The following PCDHGA9 variants were observed in gnomAD, a reference collection of about 807,000 sequenced individuals.
PCDHGA9 encodes the protein protocadherin gamma subfamily A, 9.
Under a neutral mutation model 62.5 loss-of-function variants are expected in PCDHGA9, and 37 were observed. The observed-to-expected ratio is 0.59, with a 90% CI of 0.46 to 0.78. The LOEUF (loss-of-function observed/expected upper bound fraction) is 0.78. PCDHGA9 is among the 30% of genes least tolerant of loss of function. The pLI is 0.00. For synonymous variants in PCDHGA9, 459 were observed against 484.6 expected, an observed-to-expected ratio of 0.95 and a Z score of 0.69; for missense variants, 1,138 against 1,166.2, an observed-to-expected ratio of 0.98 and a Z score of 0.35.
chr5:141,491,871 C>T lies in PCDHGA9; in HGVS notation c.2425-2936C>T, dbSNP rs1222191027. 2.1e-6 allele frequency: 3 copies of T among 1,451,434 alleles called. No individual in the cohort carries two copies. Among genetic ancestry groups the T allele is most frequent in the Non-Finnish European group, 2.7e-6 (3 of 1,098,418 alleles). 89.9% of individuals were successfully genotyped at this position (1,451,434 alleles called of 1,614,324 possible). ...ACCGTTTGCGCGAAACCAGAGTGGC[C>T]GATTAAGGGATGGGGCTCCGAGCAC... On this transcript the variant is annotated intron_variant, in intron 1 of 3. Transcript: ENST00000573521. The surrounding 1 kb of genome is among the most constrained non-coding windows in gnomAD (Gnocchi z 6.9).
rs757755103 is a variant in PCDHGA9 at position 141,432,638 on chromosome 5, C to T, written c.2424+27262C>T. 1.2e-6 allele frequency: 2 copies of T among 1,613,810 alleles called. No homozygotes were observed. Among genetic ancestry groups the T allele is most frequent in the Non-Finnish European group, 8.5e-7 (1 of 1,179,930 alleles). ...GGTGGGTCTGCACACGGGCGAGGTG[C>T]GCACGGCGCGAGCCCTGCTGGACAG... is the stretch of plus-strand genomic sequence containing the variant. On this transcript the variant is annotated intron_variant, in intron 1 of 3. Transcript: ENST00000573521. The surrounding 1 kb of genome is among the most constrained non-coding windows in gnomAD (Gnocchi z 6.0).
chr5:141,437,262 G>A (rs1490690532), intron 1 of PCDHGA9, among the ~76,000 whole-genome samples: 1 of 152,152 alleles, frequency 6.6e-6, no homozygotes, highest in Non-Finnish European at 1.5e-5. Flanking sequence ...CTTTTTATGT[G>A]TATGACAGAT....
At chr5:141,507,429 G>C (rs1191174823) in intron 3 of PCDHGA9, 3 of 152,238 alleles carry the variant, frequency 2.0e-5, no homozygotes, top group African/African-American at 7.2e-5. Flanking sequence ...AGTGGGGCCA[G>C]GCCTACAGCT....
At chr5:141,419,674 C>T (rs372932653) in intron 1 of PCDHGA9, 48 of 1,612,820 alleles carry the variant, frequency 3.0e-5, no homozygotes, top group Non-Finnish European at 3.7e-5. Context: ...CCTGGCTGTC[C>T]TACCACGTGG....
In PCDHGA9 at chr5:141,449,878, A is replaced by G. The variant is rs536474516; in HGVS notation, c.2424+44502A>G. On this transcript the variant is annotated intron_variant, in intron 1 of 3. Transcript: ENST00000573521. ...ATAAAAATCAGAAAATTTAACATCA[A>G]TGCAATATAATTATTTAGCCTATAG... 6.6e-4 allele frequency among the ~76,000 whole-genome samples: 100 copies of G among 152,050 alleles called. 1 individual carries two copies. The highest frequency in any genetic ancestry group is 2.4e-3 in the African/African-American group (99 of 41,574).
chr5:141,434,667 G>T (rs1464226862), intron 1 of PCDHGA9, among the ~76,000 whole-genome samples: 3 of 152,074 alleles, frequency 2.0e-5, no homozygotes, highest in East Asian at 3.9e-4. Context: ...CTATAGAAAT[G>T]ATGCTAATGA....
In PCDHGA9 at chr5:141,432,661, C is replaced by T; in HGVS notation, c.2424+27285C>T. ...TGCGCACGGCGCGAGCCCTGCTGGACAGAGACGCGCTCAAGCAGAGCCTCG... is the reference window on the plus strand; with the variant it reads ...TGCGCACGGCGCGAGCCCTGCTGGATAGAGACGCGCTCAAGCAGAGCCTCG... On this transcript the variant is annotated intron_variant, in intron 1 of 3. Transcript: ENST00000573521. This position sits in a 1 kb window ranked among gnomAD's most constrained non-coding sequence, Gnocchi z 6.0. 3.1e-6 allele frequency: 5 copies of T among 1,613,886 alleles called. No homozygotes were observed. In the South Asian group the frequency reaches 5.5e-5, roughly 18 times the overall value.
At chr5:141,437,463 AC>A (rs2097887109) in intron 1 of PCDHGA9, among the ~76,000 whole-genome samples, 1 of 152,184 alleles carries the variant, frequency 6.6e-6, no homozygotes, top group Non-Finnish European at 1.5e-5. Flanking sequence ...ACTATACTAT[AC>A]TTTTATAGCA....
At position 141,489,545 on chromosome 5, in the gene PCDHGA9, G is replaced by A. The variant is rs1396651116; in HGVS notation, c.2425-5262G>A. On this transcript the variant is annotated intron_variant, in intron 1 of 3. Transcript: ENST00000573521. The surrounding 1 kb of genome is among the most constrained non-coding windows in gnomAD (Gnocchi z 4.5). ...AGCCTATGTGGAGCCAGCACCAGCT[G>A]CCTGCTGCCAGTGCAGGTGGTGACT... 3 of 1,613,984 alleles carry A rather than the reference G, an allele frequency of 1.9e-6. No individual in the cohort carries two copies. The highest frequency in any genetic ancestry group is 2.5e-6 in the Non-Finnish European group (3 of 1,180,022).
At chr5:141,440,443 T>A (rs979101512) in intron 1 of PCDHGA9, 2 of 152,152 alleles carry the variant, frequency 1.3e-5, no homozygotes, top group Admixed American at 1.3e-4. Flanking sequence ...CAAGGCGCCA[T>A]CTCAAAAAAA....
intron 1 of PCDHGA9, among the ~76,000 whole-genome samples, chr5:141,434,571 T>C (rs2154556263): frequency 6.6e-6 from 1 of 152,374 alleles, no homozygotes; most frequent in South Asian, 2.1e-4. Flanking sequence ...GACATGCCCC[T>C]GCTGCAGATA....
chr5:141,455,006 G>A (rs1194194759), intron 1 of PCDHGA9, among the ~76,000 whole-genome samples: 2 of 150,910 alleles, frequency 1.3e-5, no homozygotes, highest in Non-Finnish European at 3.0e-5. Flanking sequence ...TAGAGACGGG[G>A]TTTCACCGTG....
chr5:141,436,555 G>A (rs562422182), intron 1 of PCDHGA9, among the ~76,000 whole-genome samples: 1 of 152,252 alleles, frequency 6.6e-6, no homozygotes, highest in South Asian at 2.1e-4. Flanking sequence ...TTGAGCTTCA[G>A]CAAAGTAGGA....
intron 1 of PCDHGA9, chr5:141,478,647 T>G (rs2099469515): frequency 6.4e-7 from 1 of 1,552,152 alleles, no homozygotes; most frequent in Non-Finnish European, 8.7e-7. Flanking sequence ...GAAGATGTTT[T>G]CCTGGTGATG....
At chr5:141,466,275 A>G (rs1163982252) in intron 1 of PCDHGA9, among the ~76,000 whole-genome samples, 1 of 152,112 alleles carries the variant, frequency 6.6e-6, no homozygotes. Context: ...AGCTCAAGCA[A>G]TCTTCCCACC....
intron 1 of PCDHGA9, among the ~76,000 whole-genome samples, chr5:141,472,274 G>A (rs1170341842): frequency 6.6e-6 from 1 of 152,176 alleles, no homozygotes; most frequent in Admixed American, 6.5e-5. Flanking sequence ...GGGCACAGTG[G>A]CTCACACCTG....
At chr5:141,509,319 G>A (rs1427191152) in intron 3 of PCDHGA9, among the ~76,000 whole-genome samples, 3 of 152,216 alleles carry the variant, frequency 2.0e-5, no homozygotes, top group African/African-American at 4.8e-5. Context: ...TGGGAGAGAA[G>A]CTCTACTGCC....
intron 1 of PCDHGA9, among the ~76,000 whole-genome samples, chr5:141,473,916 A>T (rs1014065718): frequency 2.6e-5 from 4 of 152,162 alleles, no homozygotes; most frequent in Non-Finnish European, 4.4e-5. Flanking sequence ...TCTTAAGAAA[A>T]CTATGAGCTG....
chr5:141,493,021 G>C lies in PCDHGA9; in HGVS notation c.2425-1786G>C, dbSNP rs1261539371. On this transcript the variant is annotated intron_variant, in intron 1 of 3. Transcript: ENST00000573521. This position sits in a 1 kb window ranked among gnomAD's most constrained non-coding sequence, Gnocchi z 4.3. ...AGCTATAGGCTCTGCCAGATGCCAG[G>C]GTGCCCTTATGTGTGAGGAAACTAC... Among the ~76,000 whole-genome samples, 1 of 152,180 alleles carries C rather than the reference G, an allele frequency of 6.6e-6. No individual in the cohort carries two copies. The highest frequency in any genetic ancestry group is 6.5e-5 in the Admixed American group (1 of 15,284).
Sources: gnomAD v4.1 joint callset for allele counts (sites outside exome capture counted in the v4.1 genomes callset) on GRCh38, gnomAD v4.1.1 for gene constraint, Gnocchi (gnomAD v3.1) non-coding constraint, MANE v1.5 for transcripts, NCBI Gene and HGNC (gene_info 2026-07-23, HGNC 2026-07-21) for gene names.